VPS50: variants seen among roughly 807,000 people sequenced by gnomAD.
VPS50 encodes VPS50 subunit of EARP/GARPII complex, also known as syndetin.
In VPS50, 70 loss-of-function variants were observed where a neutral mutation model predicts 139.7. The observed-to-expected ratio is 0.50, with a 90% CI of 0.41 to 0.61. The LOEUF is 0.61. VPS50 is among the 20% of genes least tolerant of loss of function. The pLI is 0.00. For synonymous variants in VPS50, 365 were observed against 376.7 expected, an observed-to-expected ratio of 0.97 and a Z score of 0.36; for missense variants, 921 against 1,133.7, an observed-to-expected ratio of 0.81 and a Z score of 2.69.
chr7:93,297,212 CAA>C lies in VPS50; in HGVS notation c.1332_1333del (p.Ser445CysfsTer9). On this transcript the variant is annotated frameshift_variant, in exon 16 of 28. Coordinates refer to ENST00000305866, the MANE Select transcript of VPS50 (RefSeq NM_017667.4). LOFTEE classifies it high-confidence loss of function. Reference protein sequence around the residue: ...SEVLQESIRKQSVNYFKNYHR... With the variant: ...SEVLQESIRKXSVNYFKNYHR... ...AGTTTTACAGGAATCTATTAGAAAA[CAA>C]AGTGTCAATTATTTCAAGAATTACC... The C allele has an allele frequency of 6.4e-7, 1 of 1,557,956 alleles. No homozygotes were observed. The highest frequency in any genetic ancestry group is 8.6e-7 in the Non-Finnish European group (1 of 1,162,758).
At position 93,360,445 on chromosome 7, in the gene VPS50, A is replaced by G. The variant is rs1798808220; in HGVS notation, c.*2009A>G. On this transcript the variant is annotated 3_prime_UTR_variant, in exon 28 of 28. Coordinates refer to ENST00000305866, the MANE Select transcript of VPS50 (RefSeq NM_017667.4). The stretch of plus-strand genomic sequence containing the variant: ...TTTTTTTTCATTAAAAGGTAGCTTA[A>G]TAAGTGCTAGCTAGCATCAAAACAG... 6.8e-6 allele frequency: 1 copy of G among 147,264 alleles called. No individual in the cohort carries two copies. The highest frequency in any genetic ancestry group is 6.8e-5 in the Admixed American group (1 of 14,770). The allele number at this position is 147,264 out of a possible 1,614,324, so 9.1% of individuals were successfully genotyped here.
rs1011879129 is a variant in VPS50, at chr7:93,324,948, T to G, written c.1977+1216T>G. ...TTCACAGAATTGGAAAAAACTACTT[T>G]AAAGTTCATATGGAACCAAAAAAGA... On this transcript the variant is annotated intron_variant, in intron 21 of 27. Transcript: ENST00000305866. Among the ~76,000 whole-genome samples, 11 of 152,056 alleles carry G rather than the reference T, an allele frequency of 7.2e-5. 1 individual carries two copies. Among genetic ancestry groups the G allele is most frequent in the Admixed American group, 6.6e-5 (1 of 15,258 alleles).
At chr7:93,328,150 G>A (rs1797835249) in intron 21 of VPS50, among the ~76,000 whole-genome samples, 1 of 152,104 alleles carries the variant, frequency 6.6e-6, no homozygotes, top group Admixed American at 6.6e-5. Flanking sequence ...GCTACTCATG[G>A]TATTGCTTTA....
At chr7:93,259,099 G>GT (rs1311809511) in intron 8 of VPS50, among the ~76,000 whole-genome samples, 13 of 150,050 alleles carry the variant, frequency 8.7e-5, no homozygotes, top group African/African-American at 1.2e-4. Flanking sequence ...ATTAATTAGT[G>GT]TTTTTTTTCT....
At chr7:93,246,862 A>G (rs1374497056) in intron 2 of VPS50, among the ~76,000 whole-genome samples, 1 of 151,884 alleles carries the variant, frequency 6.6e-6, no homozygotes, top group East Asian at 1.9e-4. Flanking sequence ...CCACAAACAT[A>G]CTGGGAATGT....
chr7:93,301,419 T>C (rs1258806936), intron 16 of VPS50, among the ~76,000 whole-genome samples: 1 of 152,214 alleles, frequency 6.6e-6, no homozygotes, highest in Non-Finnish European at 1.5e-5. Flanking sequence ...GAACCAACTT[T>C]GTAACTGCGT....
chr7:93,322,017 T>C (rs538096569), intron 20 of VPS50, among the ~76,000 whole-genome samples: 1 of 152,290 alleles, frequency 6.6e-6, no homozygotes, highest in African/African-American at 2.4e-5. Flanking sequence ...CAAATGTGAT[T>C]TTTCAAAAAA....
rs1798776780 is a variant in VPS50 at position 93,358,787 on chromosome 7, T to C, written c.*351T>C. The stretch of plus-strand genomic sequence containing the variant: ...TATGGGAAGTTTATGGAAAATGAAG[T>C]TGGCACTTTTCTACCCTCTGAGCTT... On this transcript the variant is annotated 3_prime_UTR_variant, in exon 28 of 28. Coordinates refer to ENST00000305866, the MANE Select transcript of VPS50 (RefSeq NM_017667.4). The C allele has an allele frequency of 5.8e-6, 1 of 171,180 alleles. No individual in the cohort carries two copies. Among genetic ancestry groups the C allele is most frequent in the Non-Finnish European group, 1.3e-5 (1 of 78,898 alleles). The allele number at this position is 171,180 out of a possible 1,614,324, so 10.6% of individuals were successfully genotyped here.
chr7:93,291,843 A>G lies in VPS50; in HGVS notation c.1075+8A>G, dbSNP rs747618263. The G allele has an allele frequency of 1.3e-6, 2 of 1,556,816 alleles. No individual in the cohort carries two copies. Among genetic ancestry groups the G allele is most frequent in the South Asian group, 1.2e-5 (1 of 82,772 alleles). ...ATACTGCTTCAGCTTCTGGTAGGAA[A>G]ATATTTTTATTTTATTTTAAAAATT... On this transcript the variant is annotated splice_region_variant and intron_variant, in intron 13 of 27. Coordinates refer to ENST00000305866, the MANE Select transcript of VPS50 (RefSeq NM_017667.4).
chr7:93,313,825 T>C (rs1482782340), intron 20 of VPS50, among the ~76,000 whole-genome samples: 1 of 152,174 alleles, frequency 6.6e-6, no homozygotes, highest in Non-Finnish European at 1.5e-5. Context: ...AATTTGACTA[T>C]TGCAATTTCA....
chr7:93,346,011 T>G (rs1453458396), intron 23 of VPS50, among the ~76,000 whole-genome samples: 1 of 152,156 alleles, frequency 6.6e-6, no homozygotes, highest in Non-Finnish European at 1.5e-5. Flanking sequence ...TAAAGGGTAT[T>G]CAATTAGGAA....
intron 2 of VPS50, among the ~76,000 whole-genome samples, chr7:93,248,565 A>G (rs1053138143): frequency 1.3e-5 from 2 of 152,146 alleles, no homozygotes; most frequent in East Asian, 1.9e-4. Context: ...AATTTTGACT[A>G]TTGAAACAAG....
At position 93,309,933 on chromosome 7, in the gene VPS50, A is replaced by G. The variant is rs764085474; in HGVS notation, c.1748+991A>G. On this transcript the variant is annotated intron_variant, in intron 19 of 27. Transcript: ENST00000305866. ...ACCTATTTAATACTGTTTAACTTGA[A>G]ATCTCGACTGAAATAATTCTGTTTT... 2.0e-5 allele frequency among the ~76,000 whole-genome samples: 3 copies of G among 151,948 alleles called. No homozygotes were observed. The South Asian group carries it at 6.2e-4, about 31-fold the overall frequency.
At chr7:93,351,420 G>T (rs528605035) in intron 25 of VPS50, among the ~76,000 whole-genome samples, 1 of 151,504 alleles carries the variant, frequency 6.6e-6, no homozygotes, top group East Asian at 1.9e-4. Context: ...ATGACATGCT[G>T]TCTTAGTCCT....
Position 93,348,812 on chromosome 7 carries a change from G to A in VPS50, c.2304+5G>A. The A allele has an allele frequency of 6.4e-7, 1 of 1,570,550 alleles. No homozygotes were observed. Among genetic ancestry groups the A allele is most frequent in the Admixed American group, 1.7e-5 (1 of 59,920 alleles). On this transcript the variant is annotated splice_donor_5th_base_variant and intron_variant, in intron 24 of 27. Transcript: ENST00000305866. ...CTTCAGCAGTTCTATTCTCAGGTCA[G>A]ACATGGTCTTGTATGTCATTTCAAC...
chr7:93,338,738 T>TA, intron 22 of VPS50, among the ~76,000 whole-genome samples: 1 of 152,284 alleles, frequency 6.6e-6, no homozygotes, highest in South Asian at 2.1e-4. Context: ...ATTGAGGCTT[T>TA]AAAACCAGGG....
chr7:93,249,304 CAGAG>C (rs994697486), intron 2 of VPS50, among the ~76,000 whole-genome samples: 2 of 149,180 alleles, frequency 1.3e-5, no homozygotes, highest in East Asian at 2.0e-4. Context: ...GAGAGAGACA[CAGAG>C]AGAGAGAGAG....
intron 21 of VPS50, 70 bp downstream of exon 21, chr7:93,323,802 TTC>T (rs1383232935): frequency 2.5e-6 from 2 of 797,820 alleles, no homozygotes; most frequent in African/African-American, 3.7e-5. Context: ...AAGTTTTTCA[TTC>T]TCTCTATAGA....
chr7:93,337,852 A>G (rs1012185322), intron 22 of VPS50, among the ~76,000 whole-genome samples: 1 of 151,982 alleles, frequency 6.6e-6, no homozygotes, highest in Non-Finnish European at 1.5e-5. Context: ...TTTTCTGGGA[A>G]CTCATAACCA....
Sources: gnomAD v4.1 joint callset for allele counts (sites outside exome capture counted in the v4.1 genomes callset) on GRCh38, gnomAD v4.1.1 for gene constraint, MANE v1.5 for transcripts, NCBI Gene and HGNC (gene_info 2026-07-23, HGNC 2026-07-21) for gene names.